The following CLDN12 variants were observed in gnomAD, a reference collection of about 807,000 sequenced individuals.
CLDN12 encodes claudin 12.
CLDN12 carries 9 observed loss-of-function variants against 15.5 expected under a neutral mutation model. The observed-to-expected ratio is 0.58, with a 90% CI of 0.35 to 1.02. The LOEUF is 1.02. Ranked by LOEUF, CLDN12 falls within the 50% of genes least tolerant of loss-of-function variation. CLDN12 has a pLI of 0.02. For missense variants in CLDN12, 233 were observed against 297.3 expected (o/e 0.78, Z 1.59); for synonymous variants, 140 against 121.6 (o/e 1.15, Z -1.00).
Position 90,413,650 on chromosome 7 carries a change from C to A in CLDN12, c.*239C>A. The A allele has an allele frequency of 7.8e-7, 1 of 1,274,690 alleles. No homozygotes were observed. The highest frequency in any genetic ancestry group is 1.0e-6 in the Non-Finnish European group (1 of 1,004,784). The allele number at this position is 1,274,690 out of a possible 1,614,324, so 79.0% of individuals were successfully genotyped here. On this transcript the variant is annotated 3_prime_UTR_variant, in exon 4 of 4. Coordinates refer to ENST00000496677, the MANE Select transcript of CLDN12 (RefSeq NM_001185072.3). ...GGAATTTTAGCCTTCATATTGATAT[C>A]TAATTAATTATTTAAGTGGAAGAGG...
intron 1 of CLDN12, among the ~76,000 whole-genome samples, chr7:90,404,695 CATGAAA>C (rs1349835672): frequency 6.6e-6 from 1 of 152,056 alleles, no homozygotes; most frequent in Non-Finnish European, 1.5e-5. Context: ...TCACCGTAGT[CATGAAA>C]ATGATCTAAA....
In CLDN12 at chr7:90,414,240, G is replaced by C; in HGVS notation, c.*829G>C. Reference sequence around the variant, plus strand: ...ATAAATAAAAGGGCCATAATGGTTTGTTCTCTTTCAGACATAATTTAGTAG... The same window carrying C: ...ATAAATAAAAGGGCCATAATGGTTTCTTCTCTTTCAGACATAATTTAGTAG... On this transcript the variant is annotated 3_prime_UTR_variant, in exon 4 of 4. Transcript: ENST00000496677. 1 of 1,000,256 alleles carries C rather than the reference G, an allele frequency of 1.0e-6. No individual in the cohort carries two copies. Among genetic ancestry groups the C allele is most frequent in the Non-Finnish European group, 1.2e-6 (1 of 829,986 alleles). The allele number at this position is 1,000,256 out of a possible 1,614,324, so 62.0% of individuals were successfully genotyped here.
At position 90,414,421 on chromosome 7, in the gene CLDN12, A is replaced by G. The variant is rs886530167; in HGVS notation, c.*1010A>G. 2.0e-6 allele frequency: 2 copies of G among 998,520 alleles called. No homozygotes were observed. The allele number at this position is 998,520 out of a possible 1,614,324, so 61.9% of individuals were successfully genotyped here. On this transcript the variant is annotated 3_prime_UTR_variant, in exon 4 of 4. Transcript: ENST00000496677. Reference sequence around the variant, plus strand: ...CCCGTCACTGATTATTTCCTTGAGCATATATCTCTGCCTAACACTTTAGTA... The same window carrying G: ...CCCGTCACTGATTATTTCCTTGAGCGTATATCTCTGCCTAACACTTTAGTA...
At position 90,413,058 on chromosome 7, in the gene CLDN12, A is replaced by G. The variant is rs759773648; in HGVS notation, c.382A>G (p.Asn128Asp). The change falls in exon 4 of 4, where the codon AAT becomes GAT. Residue 128 changes from asparagine (N) to aspartate (D), a missense_variant. Transcript: ENST00000496677. ...CATCAAACTGGCCAAGTGTCTGGTC[A>G]ATAGTGCAGGTTGCCACCTGGTGGC... ...PNIKLAKCLV[N>D]SAGCHLVAGL... 3.1e-6 allele frequency: 5 copies of G among 1,614,192 alleles called. No individual in the cohort carries two copies. The South Asian group carries it at 4.4e-5, about 14-fold the overall frequency.
rs934288696 is a variant in CLDN12 at position 90,415,055 on chromosome 7, A to C, written c.*1644A>C. 5.4e-5 allele frequency: 9 copies of C among 166,940 alleles called. No individual in the cohort carries two copies. The highest frequency in any genetic ancestry group is 2.2e-4 in the African/African-American group (9 of 41,460). The allele number at this position is 166,940 out of a possible 1,614,324, so 10.3% of individuals were successfully genotyped here. A position where few individuals can be genotyped will look rare whatever the true frequency, so the allele number is the denominator to read the frequency against. On this transcript the variant is annotated 3_prime_UTR_variant, in exon 4 of 4. Transcript: ENST00000496677. ...TAAACAGATTATTATGCCTTTTTGCAATTCTGAATATGATTCTAGTATTTG... is the reference window on the plus strand; with the variant it reads ...TAAACAGATTATTATGCCTTTTTGCCATTCTGAATATGATTCTAGTATTTG...
intron 2 of CLDN12, among the ~76,000 whole-genome samples, chr7:90,406,971 A>T (rs539874657): frequency 6.6e-6 from 1 of 152,182 alleles, no homozygotes; most frequent in Non-Finnish European, 1.5e-5. Context: ...ATAAATATTA[A>T]TTTGATATAT....
Position 90,415,508 on chromosome 7 carries a change from T to C in CLDN12, c.*2097T>C, listed in dbSNP as rs558116406. ...CATTAACTTTCCTATAAGAATATTT[T>C]GGCTTTGTAATCTATAGCCTCAAAT... On this transcript the variant is annotated 3_prime_UTR_variant, in exon 4 of 4. Transcript: ENST00000496677. 54 of 166,642 alleles carry C rather than the reference T, an allele frequency of 3.2e-4. 1 individual carries two copies. Among genetic ancestry groups the C allele is most frequent in the South Asian group, 6.2e-4 (3 of 4,830 alleles). 10.3% of individuals were successfully genotyped at this position (166,642 alleles called of 1,614,324 possible).
intron 2 of CLDN12, chr7:90,406,155 A>G (rs1016750969): frequency 6.6e-6 from 1 of 152,222 alleles, no homozygotes; most frequent in African/African-American, 2.4e-5. Flanking sequence ...TAACTCTTGT[A>G]ACTATAACTC....
chr7:90,414,069 T>G lies in CLDN12; in HGVS notation c.*658T>G, dbSNP rs1399297577. Reference sequence around the variant, plus strand: ...AATAACATGTAATAATTTTTAACATTAATGATTCCATAAATTGTATTATTG... The same window carrying G: ...AATAACATGTAATAATTTTTAACATGAATGATTCCATAAATTGTATTATTG... On this transcript the variant is annotated 3_prime_UTR_variant, in exon 4 of 4. Transcript: ENST00000496677. 3 of 994,540 alleles carry G rather than the reference T, an allele frequency of 3.0e-6. No homozygotes were observed. The highest frequency in any genetic ancestry group is 3.6e-6 in the Non-Finnish European group (3 of 825,012). The allele number at this position is 994,540 out of a possible 1,614,324, so 61.6% of individuals were successfully genotyped here.
At chr7:90,412,338 G>A (rs1796982130) in intron 3 of CLDN12, 1 of 257,894 alleles carries the variant, frequency 3.9e-6, no homozygotes, top group South Asian at 1.0e-4. Context: ...TTGAAGGTGT[G>A]ATTGTAAGAG....
Position 90,413,691 on chromosome 7 carries a change from A to C in CLDN12, c.*280A>C. Reference sequence around the variant, plus strand: ...GTGGAAGAGGCCTGCATCACAATTGAGGTAATGTAGAGCAACATGTTAAAG... The same window carrying C: ...GTGGAAGAGGCCTGCATCACAATTGCGGTAATGTAGAGCAACATGTTAAAG... On this transcript the variant is annotated 3_prime_UTR_variant, in exon 4 of 4. Transcript: ENST00000496677. 8.6e-7 allele frequency: 1 copy of C among 1,161,318 alleles called. No homozygotes were observed. Among genetic ancestry groups the C allele is most frequent in the Non-Finnish European group, 1.1e-6 (1 of 933,726 alleles). 71.9% of individuals were successfully genotyped at this position (1,161,318 alleles called of 1,614,324 possible).
In CLDN12 at chr7:90,413,268, A is replaced by G. The variant is rs761934562; in HGVS notation, c.592A>G (p.Thr198Ala). Residue 198 changes from threonine to alanine, a missense_variant, in exon 4 of 4, where the codon ACA becomes GCA. Coordinates refer to ENST00000496677, the MANE Select transcript of CLDN12 (RefSeq NM_001185072.3). ...CCTTATACTATTTATTTGGTATTGT[A>G]CATGCAAATCTTTGCCTTCTCCTTT... Reference protein sequence around the residue: ...TSLILFIWYCTCKSLPSPFWQ... With the variant: ...TSLILFIWYCACKSLPSPFWQ... 6.2e-7 allele frequency: 1 copy of G among 1,614,188 alleles called. No individual in the cohort carries two copies. The highest frequency in any genetic ancestry group is 8.5e-7 in the Non-Finnish European group (1 of 1,180,016).
At position 90,413,293 on chromosome 7, in the gene CLDN12, T is replaced by C; in HGVS notation, c.617T>C (p.Phe206Ser). 6.2e-7 allele frequency: 1 copy of C among 1,614,220 alleles called. No individual in the cohort carries two copies. Among genetic ancestry groups the C allele is most frequent in the East Asian group, 2.2e-5 (1 of 44,892 alleles). The change falls in exon 4 of 4, where the codon TTC (phenylalanine) becomes TCC (serine). Residue 206 changes from phenylalanine (F) to serine (S), a missense_variant. Physicochemically the swap from Phe to Ser is radical, Grantham distance 155. Coordinates refer to ENST00000496677, the MANE Select transcript of CLDN12 (RefSeq NM_001185072.3). Reference sequence around the variant, plus strand: ...ACATGCAAATCTTTGCCTTCTCCTTTCTGGCAACCATTGTACTCCCATCCA... The same window carrying C: ...ACATGCAAATCTTTGCCTTCTCCTTCCTGGCAACCATTGTACTCCCATCCA... ...YCTCKSLPSP[F>S]WQPLYSHPPS...
chr7:90,412,823 T>C lies in CLDN12; in HGVS notation c.147T>C (p.Thr49=). ...ITFNRNEKNL[T]VYTGLWVKCA... The stretch of plus-strand genomic sequence containing the variant: ...TCAACAGAAACGAGAAGAACCTGAC[T>C]GTTTACACAGGCCTGTGGGTGAAAT... Residue 49 remains threonine (T), a synonymous_variant, in exon 4 of 4, where the codon ACT becomes ACC. Coordinates refer to ENST00000496677, the MANE Select transcript of CLDN12 (RefSeq NM_001185072.3). The C allele has an allele frequency of 6.2e-7, 1 of 1,614,206 alleles. No individual in the cohort carries two copies. The highest frequency in any genetic ancestry group is 1.3e-5 in the African/African-American group (1 of 75,048).
chr7:90,412,688 G>T lies in CLDN12; in HGVS notation c.12G>T (p.Arg4=), dbSNP rs201163165. MGC[R]DVHAATVLSF... ...CAAGCTTGCCTGCCATGGGCTGTCG[G>T]GATGTCCACGCAGCCACAGTCCTTT... Residue 4 remains arginine, a synonymous_variant, in exon 4 of 4, where the codon CGG becomes CGT. Transcript: ENST00000496677. The T allele has an allele frequency of 6.2e-7, 1 of 1,612,786 alleles. No homozygotes were observed. Among genetic ancestry groups the T allele is most frequent in the Non-Finnish European group, 8.5e-7 (1 of 1,179,368 alleles).
rs1280072272 is a variant in CLDN12 at position 90,415,754 on chromosome 7, G to T, written c.*2343G>T. ...CTATTATTGTTAAAGGCCTTTTATG[G>T]AAACCAACTTGGAAAACAACCTTAA... is the stretch of plus-strand genomic sequence containing the variant. On this transcript the variant is annotated 3_prime_UTR_variant, in exon 4 of 4. Transcript: ENST00000496677. 6.0e-6 allele frequency: 1 copy of T among 166,990 alleles called. No individual in the cohort carries two copies. The highest frequency in any genetic ancestry group is 1.5e-5 in the Non-Finnish European group (1 of 68,106). 10.3% of individuals were successfully genotyped at this position (166,990 alleles called of 1,614,324 possible).
intron 2 of CLDN12, chr7:90,408,853 C>T (rs921100628): frequency 6.6e-6 from 1 of 152,048 alleles, no homozygotes; most frequent in Non-Finnish European, 1.5e-5. Context: ...TATTGTCGTA[C>T]CTCTCTTCAT....
rs1208351338 is a variant in CLDN12 at position 90,412,840 on chromosome 7, G to A, written c.164G>A (p.Trp55Ter). 2 of 1,614,110 alleles carry A rather than the reference G, an allele frequency of 1.2e-6. No homozygotes were observed. Among genetic ancestry groups the A allele is most frequent in the Non-Finnish European group, 1.7e-6 (2 of 1,180,048 alleles). Residue 55 changes from tryptophan to a stop codon, truncating the protein, a stop_gained, in exon 4 of 4, where the codon TGG (tryptophan) becomes TAG (stop). Coordinates refer to ENST00000496677, the MANE Select transcript of CLDN12 (RefSeq NM_001185072.3). LOFTEE classifies it high-confidence loss of function. The stretch of plus-strand genomic sequence containing the variant: ...AACCTGACTGTTTACACAGGCCTGT[G>A]GGTGAAATGTGCCCGGTATGACGGG... The part of the protein sequence containing the change: ...EKNLTVYTGL[W>*]VKCARYDGSS...
chr7:90,405,767 C>A (rs1410358368), intron 2 of CLDN12, 159 bp downstream of exon 2: 1 of 151,912 alleles, frequency 6.6e-6, no homozygotes, highest in East Asian at 1.9e-4. Flanking sequence ...TAAGAAAACC[C>A]AAATTATAGG....
Sources: gnomAD v4.1 joint callset for allele counts (sites outside exome capture counted in the v4.1 genomes callset) on GRCh38, gnomAD v4.1.1 for gene constraint, MANE v1.5 for transcripts, NCBI Gene and HGNC (gene_info 2026-07-23, HGNC 2026-07-21) for gene names.